ST3GAL5: variants seen among roughly 807,000 people sequenced by gnomAD.
ST3GAL5 encodes ST3 beta-galactoside alpha-2,3-sialyltransferase 5.
ST3GAL5 carries 25 observed loss-of-function variants against 46.1 expected under a neutral mutation model. The observed-to-expected ratio is 0.54, with a 90% confidence interval of 0.40 to 0.76. ST3GAL5 has a LOEUF of 0.76. Ranked by LOEUF, ST3GAL5 falls within the 30% of genes least tolerant of loss-of-function variation. The probability of loss-of-function intolerance (pLI) is 0.00; values close to 1 mark genes in which losing one functional copy is unlikely to be tolerated. For synonymous variants in ST3GAL5, 182 were observed against 192.7 expected, an observed-to-expected ratio of 0.94 and a Z score of 0.46; for missense variants, 431 against 521.2, an observed-to-expected ratio of 0.83 and a Z score of 1.69.
At chr2:85,840,432 T>G (rs1681884600) in intron 6 of ST3GAL5, 40 bp from the exon 7 acceptor site, 1 of 1,609,898 alleles carries the variant, frequency 6.2e-7, no homozygotes, top group Non-Finnish European at 8.5e-7. Flanking sequence ...AAAAAAAAAT[T>G]TTGGCACAAG....
chr2:85,883,975 A>G (rs888909133), intron 1 of ST3GAL5, among the ~76,000 whole-genome samples: 1 of 152,120 alleles, frequency 6.6e-6, no homozygotes, highest in African/African-American at 2.4e-5. Flanking sequence ...ACCCTCGCCA[A>G]TTTCACCAGT....
chr2:85,887,372 T>C (rs1687876042), intron 1 of ST3GAL5: 1 of 152,262 alleles, frequency 6.6e-6, no homozygotes, highest in Admixed American at 6.5e-5. Flanking sequence ...CAGCCCTCTC[T>C]CTTCCATGAG....
At chr2:85,887,129 C>A (rs1878904) in intron 1 of ST3GAL5, among the ~76,000 whole-genome samples, 74,105 of 151,886 alleles carry the variant, frequency 0.49, 18,799 homozygotes, top group East Asian at 0.73. Flanking sequence ...CCTCCCGAGG[C>A]CAACCTGCTA....
At chr2:85,874,323 A>G (rs916917942) in intron 1 of ST3GAL5, among the ~76,000 whole-genome samples, 2 of 152,216 alleles carry the variant, frequency 1.3e-5, no homozygotes, top group African/African-American at 2.4e-5. Flanking sequence ...TAATGTTCCC[A>G]GCACGCACGA....
At chr2:85,887,533 G>A (rs1573741910) in intron 1 of ST3GAL5, 2 of 152,318 alleles carry the variant, frequency 1.3e-5, no homozygotes, top group South Asian at 4.1e-4. Flanking sequence ...AAGACATGCT[G>A]GTTATATGCT....
intron 1 of ST3GAL5, among the ~76,000 whole-genome samples, chr2:85,879,182 G>A (rs1686893226): frequency 6.6e-6 from 1 of 152,048 alleles, no homozygotes; most frequent in Non-Finnish European, 1.5e-5. Flanking sequence ...TGCAGTGAGG[G>A]GTGACGGAGG....
chr2:85,885,804 G>A (rs549172618), intron 1 of ST3GAL5, among the ~76,000 whole-genome samples: 1 of 149,778 alleles, frequency 6.7e-6, no homozygotes, highest in African/African-American at 2.5e-5. Context: ...CAGCCTGGGC[G>A]ACGGCGAGAC....
intron 6 of ST3GAL5, among the ~76,000 whole-genome samples, chr2:85,843,391 C>G (rs1461672946): frequency 6.6e-6 from 1 of 152,194 alleles, no homozygotes; most frequent in East Asian, 1.9e-4. Context: ...ACATTCCTGC[C>G]AAACAAGGAC....
At chr2:85,885,688 C>T (rs1278125604) in intron 1 of ST3GAL5, among the ~76,000 whole-genome samples, 3 of 151,996 alleles carry the variant, frequency 2.0e-5, no homozygotes, top group Non-Finnish European at 4.4e-5. Context: ...ATTAGCCGGG[C>T]GAGGTGGCAG....
intron 1 of ST3GAL5, among the ~76,000 whole-genome samples, chr2:85,874,355 C>A (rs1686286022): frequency 6.6e-6 from 1 of 152,186 alleles, no homozygotes; most frequent in Non-Finnish European, 1.5e-5. Flanking sequence ...CAAGACTTTA[C>A]TGAAGAGGTA....
Position 85,838,362 on chromosome 2 carries a change from G to A in ST3GAL5, c.*1782C>T, listed in dbSNP as rs1021879112. The stretch of plus-strand genomic sequence containing the variant: ...TCGTAGCATTAAGAACGTTGTCTGA[G>A]GAAGTTCCGGCTTCTCCAATAACCC... On this transcript the variant is annotated 3_prime_UTR_variant, in exon 7 of 7. Coordinates refer to ENST00000638572, the MANE Select transcript of ST3GAL5 (RefSeq NM_003896.4). The A allele has an allele frequency of 2.0e-5, 3 of 152,174 alleles. No individual in the cohort carries two copies. The highest frequency in any genetic ancestry group is 4.4e-5 in the Non-Finnish European group (3 of 68,064). 9.4% of individuals were successfully genotyped at this position (152,174 alleles called of 1,614,324 possible).
At chr2:85,872,477 G>A (rs1395476604) in intron 1 of ST3GAL5, among the ~76,000 whole-genome samples, 1 of 152,060 alleles carries the variant, frequency 6.6e-6, no homozygotes, top group East Asian at 1.9e-4. Context: ...CAGCTACTTG[G>A]GAGGCTGAGG....
Position 85,847,732 on chromosome 2 carries a change from C to G in ST3GAL5, c.662+129G>C. On this transcript the variant is annotated intron_variant, in intron 4 of 6. Coordinates refer to ENST00000638572, the MANE Select transcript of ST3GAL5 (RefSeq NM_003896.4). ...ATCTCCTGAGCCTGGGAAGTTGAGG[C>G]TGCAGTGAGCTGAGATCACACCACT... The G allele has an allele frequency of 5.8e-6, 8 of 1,374,498 alleles. No individual in the cohort carries two copies. In the Admixed American group the frequency reaches 1.9e-4, roughly 32 times the overall value. The allele number at this position is 1,374,498 out of a possible 1,614,324, so 85.1% of individuals were successfully genotyped here.
chr2:85,866,656 T>C (rs1460422286), intron 1 of ST3GAL5, among the ~76,000 whole-genome samples: 2 of 152,200 alleles, frequency 1.3e-5, no homozygotes, highest in Non-Finnish European at 2.9e-5. Flanking sequence ...AGCTCAAGCA[T>C]CTCTTTCCTT....
intron 1 of ST3GAL5, among the ~76,000 whole-genome samples, chr2:85,870,777 A>G (rs1685835616): frequency 6.6e-6 from 1 of 151,760 alleles, no homozygotes; most frequent in Non-Finnish European, 1.5e-5. Flanking sequence ...CCTGGGTTCA[A>G]GTGATTCTCT....
chr2:85,853,346 G>A (rs928718882), intron 3 of ST3GAL5: 11 of 331,502 alleles, frequency 3.3e-5, no homozygotes, highest in African/African-American at 2.2e-4. Context: ...CACTTCCTCT[G>A]CTGCAGTAAT....
intron 1 of ST3GAL5, among the ~76,000 whole-genome samples, chr2:85,868,940 C>G (rs1011763885): frequency 6.6e-6 from 1 of 152,038 alleles, no homozygotes; most frequent in Non-Finnish European, 1.5e-5. Flanking sequence ...TTTTAACCAA[C>G]AAAAAACGAT....
Position 85,847,884 on chromosome 2 carries a change from C to T in ST3GAL5, c.639G>A (p.Leu213=). The T allele has an allele frequency of 6.2e-7, 1 of 1,614,022 alleles. No homozygotes were observed. The highest frequency in any genetic ancestry group is 1.3e-5 in the African/African-American group (1 of 75,038). ...ILHGLELGHT[L]NQFDVVIRLN... ...ACCTTATCACAACATCGAACTGGTT[C>T]AGGGTGTGGCCCAGTTCTAATCCGT... The change falls in exon 4 of 7, where the codon CTG becomes CTA. Residue 213 remains leucine, a synonymous_variant. Transcript: ENST00000638572.
intron 1 of ST3GAL5, chr2:85,865,834 A>T (rs934147796): frequency 6.6e-6 from 1 of 152,198 alleles, no homozygotes; most frequent in Admixed American, 6.5e-5. Flanking sequence ...TAAGCCTGTA[A>T]ATATTTTCCG....
Sources: gnomAD v4.1 joint callset for allele counts (sites outside exome capture counted in the v4.1 genomes callset) on GRCh38, gnomAD v4.1.1 for gene constraint, MANE v1.5 for transcripts, NCBI Gene and HGNC (gene_info 2026-07-23, HGNC 2026-07-21) for gene names.